Variants in APBA2 observed in about 807,000 individuals in gnomAD.
APBA2 encodes the protein amyloid-beta A4 precursor protein-binding family A member 2.
In APBA2, 30 loss-of-function variants were observed where a neutral mutation model predicts 75.0. The ratio of observed to expected loss-of-function variants is 0.40; its 90% CI spans 0.30 to 0.54. The LOEUF (loss-of-function observed/expected upper bound fraction) is 0.54. APBA2 is among the 20% of genes least tolerant of loss of function. The probability of loss-of-function intolerance (pLI) is 0.49; values close to 1 mark genes in which losing one functional copy is unlikely to be tolerated. For missense variants in APBA2, 801 were observed against 1,016.1 expected (o/e 0.79, Z 2.88); for synonymous variants, 444 against 409.6 (o/e 1.08, Z -1.01).
chr15:29,116,873 C>G (rs1439142672), intron 14 of APBA2, among the ~76,000 whole-genome samples, 189 bp from the exon 15 acceptor site: 1 of 152,204 alleles, frequency 6.6e-6, no homozygotes, highest in Non-Finnish European at 1.5e-5. Flanking sequence ...GACCTGGAGT[C>G]TCAGTCTGCT....
At chr15:29,028,522 C>T (rs2040336733) in intron 3 of APBA2, among the ~76,000 whole-genome samples, 1 of 152,104 alleles carries the variant, frequency 6.6e-6, no homozygotes, top group East Asian at 1.9e-4. Context: ...GCCTATAAAC[C>T]AGTAATGGGA....
At chr15:29,075,956 T>G (rs539892379) in intron 5 of APBA2, 99 bp from the exon 6 acceptor site, 619 of 1,120,238 alleles carry the variant, frequency 5.5e-4, no homozygotes, top group Non-Finnish European at 7.5e-4. Context: ...GGTTTGCTTT[T>G]CTCATTATGG....
chr15:29,113,389 C>T (rs893222570), intron 13 of APBA2, among the ~76,000 whole-genome samples: 1 of 152,092 alleles, frequency 6.6e-6, no homozygotes, highest in Non-Finnish European at 1.5e-5. Context: ...TCTTCCCTGT[C>T]GATGTAGACC....
chr15:28,983,358 G>GTC (rs1274439759), intron 2 of APBA2, among the ~76,000 whole-genome samples: 2 of 152,176 alleles, frequency 1.3e-5, no homozygotes, highest in African/African-American at 2.4e-5. Context: ...TGTGGTGTGT[G>GTC]TGTGGCGGGA....
rs764481384 is a variant in APBA2 at position 29,098,482 on chromosome 15, C to A, written c.1252-8C>A. Reference sequence around the variant, plus strand: ...TTGGACTTTAACAATATCCACTGTCCTTCTTAGAATTCTGAGGGGGATGCC... The same window carrying A: ...TTGGACTTTAACAATATCCACTGTCATTCTTAGAATTCTGAGGGGGATGCC... On this transcript the variant is annotated splice_region_variant and splice_polypyrimidine_tract_variant and intron_variant, in intron 8 of 14. Coordinates refer to ENST00000683413, the MANE Select transcript of APBA2 (RefSeq NM_001353788.2). 6.2e-7 allele frequency: 1 copy of A among 1,611,028 alleles called. No homozygotes were observed. Among genetic ancestry groups the A allele is most frequent in the African/African-American group, 1.3e-5 (1 of 74,850 alleles).
chr15:29,064,661 C>T (rs115064913), intron 4 of APBA2, among the ~76,000 whole-genome samples: 2,070 of 152,048 alleles, frequency 0.014, 45 homozygotes, highest in African/African-American at 0.048. Context: ...CGTGATGTGG[C>T]TTTGAGCCTG....
intron 2 of APBA2, among the ~76,000 whole-genome samples, chr15:28,957,446 A>T (rs995353391): frequency 6.6e-6 from 1 of 152,116 alleles, no homozygotes; most frequent in Non-Finnish European, 1.5e-5. Context: ...TCATATGGTG[A>T]TTCTATTTTT....
Position 29,093,094 on chromosome 15 carries a change from A to T in APBA2, c.1089A>T (p.Pro363=). ...CTTCAGTTCCAGGGCCCTGCGAACCAGAAGACCTCATCGACGGGATCATCT... is the reference window on the plus strand; with the variant it reads ...CTTCAGTTCCAGGGCCCTGCGAACCTGAAGACCTCATCGACGGGATCATCT... The part of the protein sequence containing the change: ...SFVAVPGPCE[P]EDLIDGIIFA... The change falls in exon 7 of 15, where the codon CCA becomes CCT. Residue 363 remains proline, a synonymous_variant. Transcript: ENST00000683413. 1 of 1,614,246 alleles carries T rather than the reference A, an allele frequency of 6.2e-7. No homozygotes were observed. Among genetic ancestry groups the T allele is most frequent in the Non-Finnish European group, 8.5e-7 (1 of 1,180,036 alleles).
chr15:29,093,013 G>A, intron 6 of APBA2, 62 bp from the exon 7 acceptor site: 1 of 1,604,732 alleles, frequency 6.2e-7, no homozygotes, highest in Middle Eastern at 1.7e-4. Context: ...GGCCAGGCAT[G>A]CAAGTTCTTT....
intron 10 of APBA2, among the ~76,000 whole-genome samples, chr15:29,103,878 G>T (rs944281867): frequency 1.3e-5 from 2 of 152,214 alleles, no homozygotes; most frequent in Non-Finnish European, 2.9e-5. Context: ...CGGCCCTCCT[G>T]CCGAGCCCCA....
chr15:29,082,636 T>C (rs2043132428), intron 6 of APBA2, among the ~76,000 whole-genome samples: 1 of 152,250 alleles, frequency 6.6e-6, no homozygotes, highest in Admixed American at 6.5e-5. Context: ...TCTTTTCTTC[T>C]TCTTCTTTTT....
At chr15:28,994,760 T>A (rs375547185) in intron 2 of APBA2, among the ~76,000 whole-genome samples, 2 of 152,186 alleles carry the variant, frequency 1.3e-5, no homozygotes, top group African/African-American at 4.8e-5. Flanking sequence ...ACCTTTGTGA[T>A]GAAGTCGAAG....
chr15:29,078,114 G>T (rs1170422219), intron 6 of APBA2, among the ~76,000 whole-genome samples: 2 of 151,838 alleles, frequency 1.3e-5, no homozygotes, highest in Admixed American at 1.3e-4. Flanking sequence ...GGCCAACATG[G>T]TGAAACCCCG....
At chr15:29,067,076 C>T (rs543476337) in intron 4 of APBA2, among the ~76,000 whole-genome samples, 80 of 151,020 alleles carry the variant, frequency 5.3e-4, no homozygotes, top group Non-Finnish European at 1.1e-3. Flanking sequence ...GAGGGGGAAG[C>T]GCCACACACT....
At chr15:29,028,848 T>G (rs925738275) in intron 3 of APBA2, among the ~76,000 whole-genome samples, 2 of 152,196 alleles carry the variant, frequency 1.3e-5, no homozygotes, top group African/African-American at 4.8e-5. Flanking sequence ...TGCTTTTTAA[T>G]GGGGTTGTTT....
In APBA2 at chr15:29,095,198, C is replaced by T. The variant is rs897978275; in HGVS notation, c.1251+885C>T. 9.8e-5 allele frequency among the ~76,000 whole-genome samples: 15 copies of T among 152,324 alleles called. No homozygotes were observed. In the East Asian group the frequency reaches 1.5e-3, roughly 16 times the overall value. On this transcript the variant is annotated intron_variant, in intron 8 of 14. Transcript: ENST00000683413. Reference sequence around the variant, plus strand: ...ATCCCAGCACTTTGGGAGGCCGAGGCGGGCGGATCACCTGAGGTCGGGAGT... The same window carrying T: ...ATCCCAGCACTTTGGGAGGCCGAGGTGGGCGGATCACCTGAGGTCGGGAGT...
chr15:29,053,068 G>A (rs1267782379), intron 3 of APBA2, among the ~76,000 whole-genome samples: 1 of 152,134 alleles, frequency 6.6e-6, no homozygotes, highest in African/African-American at 2.4e-5. Flanking sequence ...TGTGGTTTGG[G>A]GGATAAAGTG....
chr15:29,000,520 C>T (rs560103219), intron 3 of APBA2, among the ~76,000 whole-genome samples: 1 of 152,322 alleles, frequency 6.6e-6, no homozygotes, highest in East Asian at 1.9e-4. Context: ...GGTTCATCCT[C>T]CACCTTGGCT....
chr15:29,078,341 G>A (rs897571059), intron 6 of APBA2, among the ~76,000 whole-genome samples: 3 of 151,736 alleles, frequency 2.0e-5, no homozygotes, highest in Non-Finnish European at 4.4e-5. Context: ...GGCCAGGCAC[G>A]GTGGCTCATG....
Sources: allele counts gnomAD v4.1 joint callset (sites outside exome capture counted in the v4.1 genomes callset), GRCh38; gene constraint gnomAD v4.1.1; transcripts MANE v1.5; gene names NCBI Gene and HGNC (gene_info 2026-07-23, HGNC 2026-07-21).